Variants in GABBR2 observed in about 807,000 individuals in gnomAD.
GABBR2 encodes G-protein coupled receptor 51.
GABBR2 carries 23 observed loss-of-function variants against 105.6 expected under a neutral mutation model. The observed-to-expected ratio is 0.22, with a 90% CI of 0.16 to 0.31. The LOEUF (loss-of-function observed/expected upper bound fraction) is 0.31, where lower values mean the gene tolerates loss of function less well. GABBR2 is among the 10% of genes least tolerant of loss of function. The probability of loss-of-function intolerance (pLI) is 1.00; values close to 1 mark genes in which losing one functional copy is unlikely to be tolerated. For synonymous variants in GABBR2, 478 were observed against 499.7 expected, an observed-to-expected ratio of 0.96 and a Z score of 0.58; for missense variants, 734 against 1,245.5, an observed-to-expected ratio of 0.59 and a Z score of 6.18.
chr9:98,691,282 G>C (rs952577982), intron 1 of GABBR2, among the ~76,000 whole-genome samples: 1 of 152,134 alleles, frequency 6.6e-6, no homozygotes, highest in African/African-American at 2.4e-5. Flanking sequence ...CTAGCCTCAC[G>C]GACAAACCCT....
chr9:98,550,977 TGA>T (rs1481330452), intron 2 of GABBR2, among the ~76,000 whole-genome samples: 1 of 152,068 alleles, frequency 6.6e-6, no homozygotes, highest in Admixed American at 6.5e-5. Flanking sequence ...CTAACATGCC[TGA>T]GAGTAAAGCC....
At chr9:98,690,133 C>A (rs1390377778) in intron 1 of GABBR2, among the ~76,000 whole-genome samples, 1 of 152,008 alleles carries the variant, frequency 6.6e-6, no homozygotes, top group Admixed American at 6.5e-5. Flanking sequence ...AAACACTCAG[C>A]AATCCCAGAT....
At chr9:98,333,591 G>A (rs1002315370) in intron 13 of GABBR2, among the ~76,000 whole-genome samples, 2 of 152,114 alleles carry the variant, frequency 1.3e-5, no homozygotes, top group Non-Finnish European at 2.9e-5. Context: ...AAGGACACCT[G>A]TCATCGAGTT....
At chr9:98,528,952 A>G (rs1588213458) in intron 3 of GABBR2, among the ~76,000 whole-genome samples, 1 of 142,554 alleles carries the variant, frequency 7.0e-6, no homozygotes, top group African/African-American at 3.1e-5. Flanking sequence ...ACAAAAGTAC[A>G]AGTATGAGTT....
intron 2 of GABBR2, among the ~76,000 whole-genome samples, chr9:98,572,877 A>G (rs1357183624): frequency 1.3e-5 from 2 of 152,104 alleles, no homozygotes; most frequent in Non-Finnish European, 2.9e-5. Context: ...AGCATGCCCC[A>G]TCCACGTCCA....
intron 4 of GABBR2, chr9:98,496,146 C>A: frequency 2.1e-6 from 1 of 477,440 alleles, no homozygotes; most frequent in Non-Finnish European, 3.8e-6. Context: ...CCCTGCTTGC[C>A]CCTGAGGCTG....
At chr9:98,579,393 G>A (rs776728128) in intron 1 of GABBR2, among the ~76,000 whole-genome samples, 15 of 152,076 alleles carry the variant, frequency 9.9e-5, no homozygotes, top group Non-Finnish European at 1.6e-4. Flanking sequence ...CTCACTCAGC[G>A]CCTTTCCATC....
chr9:98,456,010 G>C (rs1256278834), intron 6 of GABBR2, among the ~76,000 whole-genome samples: 1 of 152,114 alleles, frequency 6.6e-6, no homozygotes, highest in Non-Finnish European at 1.5e-5. Flanking sequence ...TACACAGTGG[G>C]CAGAAACTCC....
intron 7 of GABBR2, among the ~76,000 whole-genome samples, chr9:98,453,070 A>G (rs1826260319): frequency 6.6e-6 from 1 of 151,948 alleles, no homozygotes; most frequent in Non-Finnish European, 1.5e-5. Context: ...CTTGTGGCCC[A>G]GGCTGGAGTG....
intron 13 of GABBR2, among the ~76,000 whole-genome samples, chr9:98,317,743 A>G (rs774400580): frequency 1.7e-4 from 26 of 152,214 alleles, no homozygotes; most frequent in Non-Finnish European, 3.4e-4. Flanking sequence ...GTGTGGGGGT[A>G]CAGGATGAAT....
chr9:98,494,371 T>C (rs954230558), intron 4 of GABBR2, among the ~76,000 whole-genome samples: 17 of 152,110 alleles, frequency 1.1e-4, no homozygotes, highest in African/African-American at 4.1e-4. Context: ...AGGGGATGAC[T>C]GGACAAAGAC....
chr9:98,304,669 G>A (rs1363730538), intron 15 of GABBR2, among the ~76,000 whole-genome samples: 1 of 152,204 alleles, frequency 6.6e-6, no homozygotes, highest in Non-Finnish European at 1.5e-5. Flanking sequence ...CCTGTTTGCT[G>A]AAATGGACCC....
At chr9:98,411,321 G>A (rs1832587507) in intron 7 of GABBR2, among the ~76,000 whole-genome samples, 1 of 152,174 alleles carries the variant, frequency 6.6e-6, no homozygotes. Context: ...CTAAGTTTTG[G>A]CGTTTGCCAA....
intron 8 of GABBR2, 134 bp downstream of exon 8, chr9:98,405,947 T>C (rs1185124384): frequency 2.7e-5 from 17 of 634,222 alleles, no homozygotes; most frequent in Middle Eastern, 2.8e-4. Flanking sequence ...TTCAGAAAAG[T>C]GTTTTCAATT....
intron 1 of GABBR2, among the ~76,000 whole-genome samples, chr9:98,698,385 G>A (rs571272141): frequency 6.6e-5 from 10 of 152,210 alleles, no homozygotes; most frequent in Admixed American, 1.3e-4. Flanking sequence ...GTAGAAAATC[G>A]GCAAAAGAAT....
intron 7 of GABBR2, among the ~76,000 whole-genome samples, chr9:98,416,677 G>T (rs996863235): frequency 6.6e-6 from 1 of 152,202 alleles, no homozygotes; most frequent in African/African-American, 2.4e-5. Context: ...CAGAATACTA[G>T]CTGTGCAGGG....
intron 2 of GABBR2, among the ~76,000 whole-genome samples, chr9:98,575,687 C>A (rs141193742): frequency 6.6e-6 from 1 of 152,292 alleles, no homozygotes; most frequent in East Asian, 1.9e-4. Flanking sequence ...CTGTCCTGGG[C>A]ACCCTGAGGG....
intron 7 of GABBR2, among the ~76,000 whole-genome samples, chr9:98,441,055 T>C (rs569441159): frequency 6.6e-6 from 1 of 152,238 alleles, no homozygotes; most frequent in Non-Finnish European, 1.5e-5. Context: ...TGTTTAATTG[T>C]ACTATTTACT....
intron 1 of GABBR2, among the ~76,000 whole-genome samples, chr9:98,597,829 A>T (rs1422797098): frequency 6.6e-6 from 1 of 151,802 alleles, no homozygotes; most frequent in Non-Finnish European, 1.5e-5. Flanking sequence ...ATTTATTTTC[A>T]TTTTTATGGA....
Sources: allele counts gnomAD v4.1 joint callset (sites outside exome capture counted in the v4.1 genomes callset), GRCh38; gene constraint gnomAD v4.1.1; transcripts MANE v1.5; gene names NCBI Gene and HGNC (gene_info 2026-07-23, HGNC 2026-07-21).